The following MAP6 variants were observed in gnomAD, a reference collection of about 807,000 sequenced individuals.
MAP6 encodes the protein microtubule associated protein 6.
A neutral mutation model predicts 42.4 loss-of-function variants in MAP6; 26 were observed. The observed-to-expected ratio is 0.61, with a 90% CI of 0.45 to 0.85. The LOEUF (loss-of-function observed/expected upper bound fraction) is 0.85. Ranked by LOEUF, MAP6 falls within the 40% of genes least tolerant of loss-of-function variation. The probability of loss-of-function intolerance (pLI) is 0.00; values close to 1 mark genes in which losing one functional copy is unlikely to be tolerated. For missense variants in MAP6, 966 were observed against 1,099.0 expected, an observed-to-expected ratio of 0.88 and a Z score of 1.71; for synonymous variants, 418 against 443.8, an observed-to-expected ratio of 0.94 and a Z score of 0.73.
At chr11:75,593,511 C>G (rs1942518172) in intron 3 of MAP6, among the ~76,000 whole-genome samples, 1 of 152,242 alleles carries the variant, frequency 6.6e-6, no homozygotes, top group Non-Finnish European at 1.5e-5. Flanking sequence ...ACTTCACTCC[C>G]TCCCACTGAT....
At chr11:75,604,908 G>A (rs909676371) in intron 3 of MAP6, 28 of 985,230 alleles carry the variant, frequency 2.8e-5, no homozygotes, top group East Asian at 1.1e-4. Flanking sequence ...CTACATCTAC[G>A]CCCCCTTGGG....
intron 3 of MAP6, chr11:75,603,272 C>CAG: frequency 2.0e-6 from 2 of 985,684 alleles, no homozygotes; most frequent in Non-Finnish European, 2.4e-6. Flanking sequence ...GGGAAATGTA[C>CAG]AGAGGCCAGT....
chr11:75,650,747 T>C (rs751982977), intron 1 of MAP6, among the ~76,000 whole-genome samples: 1 of 152,300 alleles, frequency 6.6e-6, no homozygotes, highest in East Asian at 1.9e-4. Flanking sequence ...TTGAAATAAC[T>C]TTACCAAGGT....
Position 75,588,000 on chromosome 11 carries a change from G to GGATCATGGGACCTA in MAP6, c.1487_1500dup (p.Pro501Ter). 1 of 1,614,074 alleles carries GGATCATGGGACCTA rather than the reference G, an allele frequency of 6.2e-7. No homozygotes were observed. Among genetic ancestry groups the GGATCATGGGACCTA allele is most frequent in the Non-Finnish European group, 8.5e-7 (1 of 1,180,010 alleles). Reference sequence around the variant, plus strand: ...TGATCTTGATCCTTGACTGGTAATGGGATCATGGGACCTAGATCCTTTGGA... The same window carrying GGATCATGGGACCTA: ...TGATCTTGATCCTTGACTGGTAATGGGATCATGGGACCTAGATCATGGGACCTAGATCCTTTGGA... On this transcript the variant is annotated stop_gained and frameshift_variant, in exon 4 of 4. Coordinates refer to ENST00000304771, the MANE Select transcript of MAP6 (RefSeq NM_033063.2). LOFTEE classifies it low-confidence loss of function (END_TRUNC).
chr11:75,609,247 A>G (rs1292282219), intron 1 of MAP6, among the ~76,000 whole-genome samples: 1 of 152,176 alleles, frequency 6.6e-6, no homozygotes, highest in Non-Finnish European at 1.5e-5. Flanking sequence ...ACGAGGGTCT[A>G]TTCTGTTTGT....
intron 1 of MAP6, among the ~76,000 whole-genome samples, chr11:75,652,208 C>T (rs923439803): frequency 1.3e-5 from 2 of 152,150 alleles, no homozygotes; most frequent in Non-Finnish European, 2.9e-5. Context: ...TCTTAGCCTG[C>T]AAAGCCTACA....
chr11:75,626,661 C>T (rs1020655298), intron 1 of MAP6, among the ~76,000 whole-genome samples: 1 of 152,226 alleles, frequency 6.6e-6, no homozygotes, highest in Admixed American at 6.5e-5. Context: ...TGAGGGCCCA[C>T]TGTGTATCAG....
chr11:75,610,480 C>T (rs1168178168), intron 1 of MAP6, among the ~76,000 whole-genome samples: 1 of 152,186 alleles, frequency 6.6e-6, no homozygotes, highest in South Asian at 2.1e-4. Context: ...TGGGGACCAA[C>T]CTGCAGGCAG....
In MAP6 at chr11:75,631,639, TG is replaced by T. The variant is rs1024449461; in HGVS notation, c.906-23318del. 4.6e-5 allele frequency among the ~76,000 whole-genome samples: 7 copies of T among 152,296 alleles called. No homozygotes were observed. The South Asian group carries it at 6.2e-4, about 14-fold the overall frequency. On this transcript the variant is annotated intron_variant, in intron 1 of 3. Coordinates refer to ENST00000304771, the MANE Select transcript of MAP6 (RefSeq NM_033063.2). ...GCAGATTCAAAGGCTGGTGATGAGATGATCAAGTGCTTGCTTCAGAACACAA... is the reference window on the plus strand; with the variant it reads ...GCAGATTCAAAGGCTGGTGATGAGATATCAAGTGCTTGCTTCAGAACACAA...
At chr11:75,592,989 T>G (rs1266865326) in intron 3 of MAP6, among the ~76,000 whole-genome samples, 1 of 152,246 alleles carries the variant, frequency 6.6e-6, no homozygotes, top group Non-Finnish European at 1.5e-5. Context: ...TAGTGTTTAC[T>G]CAGCTGTCAT....
At chr11:75,651,788 C>A (rs7482924) in intron 1 of MAP6, among the ~76,000 whole-genome samples, 3,219 of 152,304 alleles carry the variant, frequency 0.021, 116 homozygotes, top group African/African-American at 0.074. Flanking sequence ...TAATAAGGCA[C>A]AGCCGAACCA....
chr11:75,599,345 G>C (rs1942630795), intron 3 of MAP6, among the ~76,000 whole-genome samples: 1 of 152,288 alleles, frequency 6.6e-6, no homozygotes. Context: ...GGCAGTCTCA[G>C]ATCCAATACT....
intron 1 of MAP6, among the ~76,000 whole-genome samples, chr11:75,610,479 A>G (rs1460360273): frequency 6.6e-6 from 1 of 152,236 alleles, no homozygotes; most frequent in Non-Finnish European, 1.5e-5. Flanking sequence ...GTGGGGACCA[A>G]CCTGCAGGCA....
chr11:75,643,371 T>C (rs947197373), intron 1 of MAP6, among the ~76,000 whole-genome samples: 1 of 152,192 alleles, frequency 6.6e-6, no homozygotes, highest in Non-Finnish European at 1.5e-5. Context: ...CTATAAATCC[T>C]TGATTTACAT....
intron 1 of MAP6, among the ~76,000 whole-genome samples, chr11:75,662,793 C>T (rs1943876108): frequency 6.6e-6 from 1 of 152,130 alleles, no homozygotes; most frequent in Non-Finnish European, 1.5e-5. Context: ...ATTTTCTAGG[C>T]AAGGCACCTA....
chr11:75,605,918 C>G lies in MAP6; in HGVS notation c.1206G>C (p.Ala402=). 1 of 1,614,118 alleles carries G rather than the reference C, an allele frequency of 6.2e-7. No homozygotes were observed. The highest frequency in any genetic ancestry group is 8.5e-7 in the Non-Finnish European group (1 of 1,180,040). ...KPTRKAKDKQ[A]VSGQAAKKKS... The stretch of plus-strand genomic sequence containing the variant: ...TTTTCTTGGCAGCCTGGCCTGACAC[C>G]GCCTGCTTGTCTTTGGCCTTCCTCG... The change falls in exon 3 of 4, where the codon GCG becomes GCC. Residue 402 remains alanine, a synonymous_variant. Coordinates refer to ENST00000304771, the MANE Select transcript of MAP6 (RefSeq NM_033063.2).
chr11:75,625,708 A>G lies in MAP6; in HGVS notation c.906-17386T>C, dbSNP rs192082388. ...TACAGAAAACAAAAAACAAACAAAC[A>G]AAAAGAATCCCACAACTTTTTTCTC... is the stretch of plus-strand genomic sequence containing the variant. On this transcript the variant is annotated intron_variant, in intron 1 of 3. Coordinates refer to ENST00000304771, the MANE Select transcript of MAP6 (RefSeq NM_033063.2). Among the ~76,000 whole-genome samples the G allele has an allele frequency of 3.3e-3, 498 of 152,334 alleles. 2 individuals carry two copies. The highest frequency in any genetic ancestry group is 0.011 in the African/African-American group (478 of 41,568).
chr11:75,651,372 G>A (rs1943643327), intron 1 of MAP6, among the ~76,000 whole-genome samples: 1 of 152,074 alleles, frequency 6.6e-6, no homozygotes, highest in South Asian at 2.1e-4. Context: ...CCTGCCTTTG[G>A]CCCACTCTGG....
At chr11:75,646,985 C>CT (rs34840251) in intron 1 of MAP6, among the ~76,000 whole-genome samples, 94,604 of 146,410 alleles carry the variant, frequency 0.65, 31,851 homozygotes, top group African/African-American at 0.86. Flanking sequence ...TAATTTGAAA[C>CT]TTTTTTTTTT....
Sources: allele counts gnomAD v4.1 joint callset (sites outside exome capture counted in the v4.1 genomes callset), GRCh38; gene constraint gnomAD v4.1.1; transcripts MANE v1.5; gene names NCBI Gene and HGNC (gene_info 2026-07-23, HGNC 2026-07-21).